Variants in PCDHGA5 observed in about 807,000 individuals in gnomAD.
PCDHGA5 encodes the protein protocadherin gamma subfamily A, 5, also known as protocadherin gamma-A5.
PCDHGA5 carries 36 observed loss-of-function variants against 56.7 expected under a neutral mutation model. That is an observed-to-expected ratio of 0.64 (90% CI 0.49 to 0.84). The LOEUF (loss-of-function observed/expected upper bound fraction) is 0.84. Among genes scored for constraint, PCDHGA5 ranks in the 40% least tolerant of loss-of-function variants. PCDHGA5 has a pLI of 0.00. For synonymous variants in PCDHGA5, 563 were observed against 520.2 expected (o/e 1.08, Z -1.12); for missense variants, 1,305 against 1,201.5 (o/e 1.09, Z -1.27).
intron 1 of PCDHGA5, chr5:141,375,277 T>G: frequency 1.9e-6 from 3 of 1,613,826 alleles, no homozygotes; most frequent in Non-Finnish European, 2.5e-6. Context: ...AAAAATCAGT[T>G]GGCAATTATT....
chr5:141,436,735 T>G (rs2097843412), intron 1 of PCDHGA5, among the ~76,000 whole-genome samples: 1 of 152,220 alleles, frequency 6.6e-6, no homozygotes, highest in Non-Finnish European at 1.5e-5. Context: ...AATAATGATT[T>G]TTGTGTGCTT....
chr5:141,382,783 C>A, intron 1 of PCDHGA5: 1 of 871,086 alleles, frequency 1.1e-6, no homozygotes. Flanking sequence ...TAAACTCAAG[C>A]CTCTATCCTG....
intron 1 of PCDHGA5, chr5:141,392,842 G>A: frequency 6.2e-7 from 1 of 1,609,312 alleles, no homozygotes. Flanking sequence ...CGCCCCAGAC[G>A]CGGCGAGCTG....
intron 1 of PCDHGA5, chr5:141,395,547 TGTGTGTGTGTGTGTGTGTGTGTGTG>T: frequency 5.8e-6 from 1 of 173,894 alleles, no homozygotes; most frequent in Admixed American, 6.5e-5. Context: ...ATTGTTTGTG[TGTGTGTGTGTGTGTGTGTGTGTGTG>T]TGTGTGTGTG....
Position 141,485,987 on chromosome 5 carries a change from G to T in PCDHGA5, c.2422-8820G>T. 1 of 1,614,170 alleles carries T rather than the reference G, an allele frequency of 6.2e-7. No homozygotes were observed. On this transcript the variant is annotated intron_variant, in intron 1 of 3. Transcript: ENST00000518069. The surrounding 1 kb of genome is among the most constrained non-coding windows in gnomAD (Gnocchi z 5.7). ...GCTCAATGCCTCAGACCCGGACCTG[G>T]GTCCCAGTGGTAACGTCACCTTTTA...
In PCDHGA5 at chr5:141,502,866, CT is replaced by C. The variant is rs549047197; in HGVS notation, c.2481-2513del. Among the ~76,000 whole-genome samples the C allele has an allele frequency of 2.5e-3, 324 of 127,930 alleles. 1 individual carries two copies. Among genetic ancestry groups the C allele is most frequent in the Non-Finnish European group, 3.0e-3 (189 of 62,366 alleles). 83.9% of individuals were successfully genotyped at this position (127,930 alleles called of 152,430 possible). On this transcript the variant is annotated intron_variant, in intron 2 of 3. Transcript: ENST00000518069. ...GAGCTGCCTAACCCTGACTCTCTGT[CT>C]TTTTTTTTTTTTTGACAGGGAGTCT...
intron 1 of PCDHGA5, chr5:141,372,054 G>A (rs377450479): frequency 3.1e-6 from 5 of 1,613,396 alleles, no homozygotes; most frequent in Middle Eastern, 1.7e-4. Context: ...GTTGGTGGAC[G>A]ACCGCAACGA....
intron 1 of PCDHGA5, chr5:141,394,693 G>C: frequency 1.2e-6 from 2 of 1,613,006 alleles, no homozygotes; most frequent in Non-Finnish European, 1.7e-6. Context: ...GGCGAGGTGC[G>C]CACGGCGCGA....
At chr5:141,403,167 C>G (rs775617849) in intron 1 of PCDHGA5, 1 of 1,614,026 alleles carries the variant, frequency 6.2e-7, no homozygotes, top group Non-Finnish European at 8.5e-7. Flanking sequence ...AGAGGTAGGA[C>G]GCAGCTTTTC....
At position 141,432,025 on chromosome 5, in the gene PCDHGA5, G is replaced by C. The variant is rs768627576; in HGVS notation, c.2422-62782G>C. 2 of 1,614,158 alleles carry C rather than the reference G, an allele frequency of 1.2e-6. No homozygotes were observed. The highest frequency in any genetic ancestry group is 3.3e-4 in the Middle Eastern group (2 of 6,062). ...AGGTTCCTAGCTACAACATCACAGTGACCGCCACTGACCGGGGAACCCCGC... is the reference window on the plus strand; with the variant it reads ...AGGTTCCTAGCTACAACATCACAGTCACCGCCACTGACCGGGGAACCCCGC... On this transcript the variant is annotated intron_variant, in intron 1 of 3. Transcript: ENST00000518069. The surrounding 1 kb of genome is among the most constrained non-coding windows in gnomAD (Gnocchi z 6.0).
At chr5:141,384,991 G>A in intron 1 of PCDHGA5, 2 of 1,614,124 alleles carry the variant, frequency 1.2e-6, no homozygotes, top group Non-Finnish European at 1.7e-6. Context: ...GGTGGCGGTG[G>A]CCACAGTCTC....
chr5:141,370,380 G>C (rs1407234552), intron 1 of PCDHGA5: 1 of 1,532,358 alleles, frequency 6.5e-7, no homozygotes, highest in Non-Finnish European at 8.8e-7. Context: ...GAAAGGCAAA[G>C]GCGCAGAGAG....
At chr5:141,430,781 C>G in intron 1 of PCDHGA5, 8 of 1,510,922 alleles carry the variant, frequency 5.3e-6, no homozygotes, top group Non-Finnish European at 7.1e-6. Context: ...GCGACTGCAC[C>G]GGGACTACAA....
At chr5:141,461,981 G>A (rs755173695) in intron 1 of PCDHGA5, among the ~76,000 whole-genome samples, 4 of 152,078 alleles carry the variant, frequency 2.6e-5, no homozygotes, top group Non-Finnish European at 5.9e-5. Context: ...ATGCCACCAC[G>A]CCAGGCTAAT....
At chr5:141,371,952 T>C (rs1377821829) in intron 1 of PCDHGA5, 1 of 1,613,142 alleles carries the variant, frequency 6.2e-7, no homozygotes, top group African/African-American at 1.3e-5. Flanking sequence ...GCAGCGAGCC[T>C]TCGACCACGA....
chr5:141,485,920 T>G lies in PCDHGA5; in HGVS notation c.2422-8887T>G. 4 of 1,614,038 alleles carry G rather than the reference T, an allele frequency of 2.5e-6. No individual in the cohort carries two copies. Among genetic ancestry groups the G allele is most frequent in the Non-Finnish European group, 3.4e-6 (4 of 1,180,010 alleles). ...CCTTCCAGCAATCCAGCTACAGGAT[T>G]AGTGTGTTGGAGAGCGCACCAGCGG... On this transcript the variant is annotated intron_variant, in intron 1 of 3. Transcript: ENST00000518069. The surrounding 1 kb of genome is among the most constrained non-coding windows in gnomAD (Gnocchi z 5.7).
chr5:141,475,739 T>C (rs190533989), intron 1 of PCDHGA5, among the ~76,000 whole-genome samples: 593 of 152,384 alleles, frequency 3.9e-3, no homozygotes, highest in Non-Finnish European at 6.7e-3. Flanking sequence ...TTCCCTAAGG[T>C]AGGTTTCCTA....
chr5:141,381,851 C>G (rs1252869923), intron 1 of PCDHGA5, among the ~76,000 whole-genome samples: 3 of 33,340 alleles, frequency 9.0e-5, no homozygotes, highest in Non-Finnish European at 1.6e-4. Context: ...TTTTTTTTGG[C>G]AGAGTTTTGC....
At chr5:141,404,108 A>G (rs537875169) in intron 1 of PCDHGA5, 22 of 1,613,436 alleles carry the variant, frequency 1.4e-5, no homozygotes, top group South Asian at 6.6e-5. Context: ...TGTCTGTTCT[A>G]TCCAGGAGAA....
Sources: allele counts gnomAD v4.1 joint callset (sites outside exome capture counted in the v4.1 genomes callset), GRCh38; gene constraint gnomAD v4.1.1; non-coding constraint Gnocchi (gnomAD v3.1); transcripts MANE v1.5; gene names NCBI Gene and HGNC (gene_info 2026-07-23, HGNC 2026-07-21).